PTPRT: variants seen among roughly 807,000 people sequenced by gnomAD.
PTPRT encodes the protein receptor-type tyrosine-protein phosphatase T.
Under a neutral mutation model 176.8 loss-of-function variants are expected in PTPRT, and 56 were observed. The ratio of observed to expected loss-of-function variants is 0.32; its 90% CI spans 0.26 to 0.40. The LOEUF is 0.40. Ranked by LOEUF, PTPRT falls within the 10% of genes least tolerant of loss-of-function variation. The pLI is 1.00. For synonymous variants in PTPRT, 783 were observed against 739.0 expected, an observed-to-expected ratio of 1.06 and a Z score of -0.96; for missense variants, 1,540 against 1,908.2, an observed-to-expected ratio of 0.81 and a Z score of 3.60.
At chr20:42,096,168 T>C (rs1985201513) in intron 27 of PTPRT, among the ~76,000 whole-genome samples, 1 of 152,224 alleles carries the variant, frequency 6.6e-6, no homozygotes. Flanking sequence ...ACCTTTATTG[T>C]CTACACATTT....
At position 42,580,362 on chromosome 20, in the gene PTPRT, G is replaced by A. The variant is rs570706518; in HGVS notation, c.1153+97504C>T. ...TGATGCCTCCAGCTTTGTTCTTTTGGCTTAGGATTGACTTGGTGATGCGGG... is the reference window on the plus strand; with the variant it reads ...TGATGCCTCCAGCTTTGTTCTTTTGACTTAGGATTGACTTGGTGATGCGGG... On this transcript the variant is annotated intron_variant, in intron 7 of 30. Transcript: ENST00000373187. Among the ~76,000 whole-genome samples, 508 of 151,992 alleles carry A rather than the reference G, an allele frequency of 3.3e-3. 5 individuals carry two copies. The highest frequency in any genetic ancestry group is 0.012 in the African/African-American group (493 of 41,354).
chr20:42,827,335 A>G (rs574022715), intron 2 of PTPRT, among the ~76,000 whole-genome samples: 1 of 152,300 alleles, frequency 6.6e-6, no homozygotes, highest in East Asian at 1.9e-4. Flanking sequence ...CAAAAGAACC[A>G]CAATCATTCC....
At chr20:42,805,721 C>T (rs575248021) in intron 2 of PTPRT, among the ~76,000 whole-genome samples, 4 of 152,272 alleles carry the variant, frequency 2.6e-5, no homozygotes, top group Non-Finnish European at 5.9e-5. Context: ...AGTACCTTTG[C>T]AACGATTATT....
chr20:42,422,259 A>G (rs540072307), intron 9 of PTPRT, among the ~76,000 whole-genome samples: 1 of 152,324 alleles, frequency 6.6e-6, no homozygotes, highest in African/African-American at 2.4e-5. Flanking sequence ...TCAACAGACT[A>G]AAAAGACAAC....
At chr20:42,470,334 C>A (rs1485619361) in intron 8 of PTPRT, among the ~76,000 whole-genome samples, 1 of 152,182 alleles carries the variant, frequency 6.6e-6, no homozygotes. Flanking sequence ...GCATGGCCCA[C>A]CCTGAACAGT....
intron 9 of PTPRT, among the ~76,000 whole-genome samples, chr20:42,401,346 G>A (rs920021830): frequency 6.6e-6 from 1 of 151,916 alleles, no homozygotes; most frequent in African/African-American, 2.4e-5. Context: ...AATGTTTAAC[G>A]TAAACCTTGG....
At chr20:42,422,533 A>G (rs4812597) in intron 9 of PTPRT, among the ~76,000 whole-genome samples, 64,429 of 152,126 alleles carry the variant, frequency 0.42, 15,254 homozygotes, top group Admixed American at 0.54. Context: ...TTACTACTAA[A>G]AAGTCAAAAA....
chr20:42,464,985 A>T lies in PTPRT; in HGVS notation c.1450+7281T>A, dbSNP rs1296229927. 3.3e-5 allele frequency among the ~76,000 whole-genome samples: 5 copies of T among 152,242 alleles called. No homozygotes were observed. The East Asian group carries it at 9.7e-4, about 29-fold the overall frequency. ...TACAATTCAAGTACATGAGTTTTTTAAAAAGTATGATGCTAAATGAAATAA... is the reference window on the plus strand; with the variant it reads ...TACAATTCAAGTACATGAGTTTTTTTAAAAGTATGATGCTAAATGAAATAA... On this transcript the variant is annotated intron_variant, in intron 8 of 30. Coordinates refer to ENST00000373187, the MANE Select transcript of PTPRT (RefSeq NM_007050.6).
rs150454523 is a variant in PTPRT, at chr20:43,094,569, T to C, written c.88+95077A>G. Among the ~76,000 whole-genome samples the C allele has an allele frequency of 3.0e-4, 45 of 152,084 alleles. No individual in the cohort carries two copies. The East Asian group carries it at 8.6e-3, about 29-fold the overall frequency. ...ATGTGCCACTACACCCAGCTAATTT[T>C]GTATTTTTAGCAGAGATGAGGTTTC... is the stretch of plus-strand genomic sequence containing the variant. On this transcript the variant is annotated intron_variant, in intron 1 of 30. Transcript: ENST00000373187.
chr20:42,266,774 A>G (rs926235664), intron 13 of PTPRT, among the ~76,000 whole-genome samples: 1 of 152,112 alleles, frequency 6.6e-6, no homozygotes, highest in African/African-American at 2.4e-5. Context: ...ATTTCTATTC[A>G]CCAACTAGGG....
intron 11 of PTPRT, among the ~76,000 whole-genome samples, chr20:42,339,091 GA>G (rs890627213): frequency 2.0e-5 from 3 of 152,288 alleles, no homozygotes; most frequent in African/African-American, 7.2e-5. Context: ...TTTATAGAGT[GA>G]AAGTTGGAAG....
rs146116415 is a variant in PTPRT, at chr20:42,605,575, T to C, written c.1153+72291A>G. Among the ~76,000 whole-genome samples the C allele has an allele frequency of 2.2e-3, 337 of 152,328 alleles. 7 individuals carry two copies. Among genetic ancestry groups the C allele is most frequent in the East Asian group, 0.019 (96 of 5,184 alleles). On this transcript the variant is annotated intron_variant, in intron 7 of 30. Coordinates refer to ENST00000373187, the MANE Select transcript of PTPRT (RefSeq NM_007050.6). ...CAAATGTCTCACTATCTTATCCAAA[T>C]ATGCTTCATACCTTGGAGGAAAGGG...
chr20:42,481,610 C>A (rs771941961), intron 7 of PTPRT, among the ~76,000 whole-genome samples: 4 of 151,934 alleles, frequency 2.6e-5, no homozygotes, highest in Non-Finnish European at 4.4e-5. Context: ...GGCGTGTACT[C>A]ATCACATCTG....
chr20:42,886,462 A>C (rs1483029940), intron 1 of PTPRT, among the ~76,000 whole-genome samples: 2 of 152,218 alleles, frequency 1.3e-5, no homozygotes, highest in Non-Finnish European at 2.9e-5. Flanking sequence ...GAATAAATGG[A>C]ATAACATGTG....
chr20:42,477,508 C>T (rs1477870677), intron 7 of PTPRT, among the ~76,000 whole-genome samples: 1 of 152,148 alleles, frequency 6.6e-6, no homozygotes, highest in Non-Finnish European at 1.5e-5. Context: ...ACCTCATCTG[C>T]CAAACCCAGC....
intron 9 of PTPRT, among the ~76,000 whole-genome samples, chr20:42,415,343 C>T (rs906956021): frequency 1.2e-4 from 18 of 149,176 alleles, no homozygotes; most frequent in African/African-American, 3.2e-4. Context: ...CCACCAAGCT[C>T]AGCTGGGCTT....
At chr20:42,089,612 G>A (rs1225795539) in intron 27 of PTPRT, among the ~76,000 whole-genome samples, 1 of 152,166 alleles carries the variant, frequency 6.6e-6, no homozygotes, top group African/African-American at 2.4e-5. Flanking sequence ...ATGCCCAGAG[G>A]GCTGGGGAAG....
At chr20:42,161,320 T>C in intron 17 of PTPRT, 32 bp downstream of exon 17, 2 of 1,611,418 alleles carry the variant, frequency 1.2e-6, no homozygotes, top group East Asian at 2.2e-5. Flanking sequence ...TCTGAAACTA[T>C]CAGGAAGTTT....
At chr20:42,927,423 G>A (rs376502413) in intron 1 of PTPRT, among the ~76,000 whole-genome samples, 6 of 152,150 alleles carry the variant, frequency 3.9e-5, no homozygotes, top group Admixed American at 2.6e-4. Context: ...TTAGACAGGC[G>A]TAGTGGCGCA....
Sources: allele counts gnomAD v4.1 joint callset (sites outside exome capture counted in the v4.1 genomes callset), GRCh38; gene constraint gnomAD v4.1.1; transcripts MANE v1.5; gene names NCBI Gene and HGNC (gene_info 2026-07-23, HGNC 2026-07-21).